Variants in C1orf146 observed in about 807,000 individuals in gnomAD.
C1orf146 encodes the protein protein SPO16 homolog.
A neutral mutation model predicts 23.0 loss-of-function variants in C1orf146; 22 were observed. That is an observed-to-expected ratio of 0.96 (90% CI 0.68 to 1.36). The LOEUF (loss-of-function observed/expected upper bound fraction) is 1.36. C1orf146 is among the 40% of genes most tolerant of loss of function. The pLI, the probability that C1orf146 is intolerant of heterozygous loss-of-function variation, is 0.00. For synonymous variants in C1orf146, 59 were observed against 65.3 expected (o/e 0.90, Z 0.47); for missense variants, 199 against 206.8 (o/e 0.96, Z 0.23).
chr1:92,224,720 A>G (rs1268512209), intron 1 of C1orf146, among the ~76,000 whole-genome samples: 1 of 151,812 alleles, frequency 6.6e-6, no homozygotes, highest in Non-Finnish European at 1.5e-5. Context: ...TTTAATCTTT[A>G]TTACTTTTTT....
At chr1:92,236,978 C>T (rs376046472) in intron 2 of C1orf146, among the ~76,000 whole-genome samples, 1 of 152,174 alleles carries the variant, frequency 6.6e-6, no homozygotes, top group African/African-American at 2.4e-5. Context: ...TTAAGCACTT[C>T]TCTGTATTGT....
At chr1:92,240,157 T>C (rs1286255440) in intron 2 of C1orf146, among the ~76,000 whole-genome samples, 3 of 152,210 alleles carry the variant, frequency 2.0e-5, no homozygotes, top group Non-Finnish European at 4.4e-5. Flanking sequence ...GGGATTGAAA[T>C]GGTTTGAAGC....
At chr1:92,227,487 C>T (rs535995401) in intron 1 of C1orf146, among the ~76,000 whole-genome samples, 2 of 152,056 alleles carry the variant, frequency 1.3e-5, no homozygotes, top group South Asian at 2.1e-4. Flanking sequence ...TGCAGTGAGC[C>T]GAGATCACGC....
At chr1:92,224,770 G>A (rs1414504409) in intron 1 of C1orf146, among the ~76,000 whole-genome samples, 6 of 144,474 alleles carry the variant, frequency 4.2e-5, no homozygotes, top group South Asian at 2.2e-4. Flanking sequence ...CTTTTTTTTC[G>A]TTTGAGACGG....
At chr1:92,225,319 C>A (rs1174654585) in intron 1 of C1orf146, among the ~76,000 whole-genome samples, 2 of 152,114 alleles carry the variant, frequency 1.3e-5, no homozygotes, top group East Asian at 3.9e-4. Flanking sequence ...GTTGCCCAAG[C>A]TGGGCACAAA....
chr1:92,228,127 TG>T (rs1354344283), intron 1 of C1orf146, among the ~76,000 whole-genome samples: 26 of 152,248 alleles, frequency 1.7e-4, no homozygotes, highest in African/African-American at 6.0e-4. Context: ...TATTTTCCTC[TG>T]ACCTACATTC....
intron 1 of C1orf146, among the ~76,000 whole-genome samples, chr1:92,230,724 C>G (rs1030417128): frequency 6.6e-6 from 1 of 151,856 alleles, no homozygotes; most frequent in Non-Finnish European, 1.5e-5. Context: ...AGGCTAGGAT[C>G]GCACCCCTGT....
At chr1:92,239,859 C>T (rs1017310598) in intron 2 of C1orf146, among the ~76,000 whole-genome samples, 1 of 152,116 alleles carries the variant, frequency 6.6e-6, no homozygotes, top group Admixed American at 6.6e-5. Context: ...CACTCATTCA[C>T]ATTTAACTGA....
At position 92,227,741 on chromosome 1, in the gene C1orf146, C is replaced by T. The variant is rs201592784; in HGVS notation, c.-39-3641C>T. On this transcript the variant is annotated intron_variant, in intron 1 of 5. Coordinates refer to ENST00000370375, the MANE Select transcript of C1orf146 (RefSeq NM_001012425.2). The stretch of plus-strand genomic sequence containing the variant: ...CCACTTAAAAGCTATTATTCAGTTG[C>T]CTCCTAGCTACCATGTTTCTATTGA... 1.1e-4 allele frequency among the ~76,000 whole-genome samples: 17 copies of T among 152,196 alleles called. No individual in the cohort carries two copies. The East Asian group carries it at 2.7e-3, about 24-fold the overall frequency.
Position 92,238,183 on chromosome 1 carries a change from C to G in C1orf146, c.67-4029C>G, listed in dbSNP as rs374742698. 3.3e-5 allele frequency among the ~76,000 whole-genome samples: 5 copies of G among 152,298 alleles called. No individual in the cohort carries two copies. In the South Asian group the frequency reaches 6.2e-4, roughly 19 times the overall value. ...TCCCTGCCTGCCCCCACAACCTGCACGATGGCTTCCAAAAGTGCTGGGATT... is the reference window on the plus strand; with the variant it reads ...TCCCTGCCTGCCCCCACAACCTGCAGGATGGCTTCCAAAAGTGCTGGGATT... On this transcript the variant is annotated intron_variant, in intron 2 of 5. Transcript: ENST00000370375.
intron 1 of C1orf146, among the ~76,000 whole-genome samples, chr1:92,223,502 A>G (rs547049792): frequency 2.2e-4 from 33 of 152,114 alleles, no homozygotes; most frequent in African/African-American, 7.0e-4. Flanking sequence ...GTTTTTTACT[A>G]TTGAGCCTTG....
intron 1 of C1orf146, among the ~76,000 whole-genome samples, chr1:92,230,814 A>G (rs1335340913): frequency 6.6e-6 from 1 of 152,086 alleles, no homozygotes; most frequent in Non-Finnish European, 1.5e-5. Context: ...CATATTCCCT[A>G]TGTGAGATAT....
At chr1:92,229,823 T>C (rs1179490191) in intron 1 of C1orf146, among the ~76,000 whole-genome samples, 1 of 151,948 alleles carries the variant, frequency 6.6e-6, no homozygotes, top group Middle Eastern at 3.4e-3. Flanking sequence ...CCTACAAATA[T>C]ATAAGAAAAA....
Position 92,244,281 on chromosome 1 carries a change from C to CAA in C1orf146, c.228_229dup (p.Ile77LysfsTer28). 6.2e-7 allele frequency: 1 copy of CAA among 1,609,490 alleles called. No individual in the cohort carries two copies. The highest frequency in any genetic ancestry group is 1.1e-5 in the South Asian group (1 of 90,740). ...TGTCAACTGAAGAAATATTTCTAGC[C>CAA]AAAATTGAGAAATTTATTAACATTC... On this transcript the variant is annotated frameshift_variant, in exon 4 of 6. Coordinates refer to ENST00000370375, the MANE Select transcript of C1orf146 (RefSeq NM_001012425.2). LOFTEE classifies it high-confidence loss of function.
Position 92,239,749 on chromosome 1 carries a change from T to C in C1orf146, c.67-2463T>C, listed in dbSNP as rs1429692706. Among the ~76,000 whole-genome samples the C allele has an allele frequency of 5.4e-5, 8 of 148,844 alleles. No homozygotes were observed. The East Asian group carries it at 1.6e-3, about 29-fold the overall frequency. On this transcript the variant is annotated intron_variant, in intron 2 of 5. Transcript: ENST00000370375. ...CTGGGTGACAGAGTGAGACCCTGTCTCAAAAAAAAAAAAAGTTTGAATTTC... is the reference window on the plus strand; with the variant it reads ...CTGGGTGACAGAGTGAGACCCTGTCCCAAAAAAAAAAAAAGTTTGAATTTC...
At chr1:92,223,708 A>G (rs1006271071) in intron 1 of C1orf146, among the ~76,000 whole-genome samples, 4 of 151,708 alleles carry the variant, frequency 2.6e-5, no homozygotes, top group Admixed American at 6.6e-5. Flanking sequence ...TAATTTTTGT[A>G]TTTTTAGTAG....
chr1:92,243,165 A>C (rs1652470995), intron 3 of C1orf146, among the ~76,000 whole-genome samples: 1 of 152,196 alleles, frequency 6.6e-6, no homozygotes, highest in Admixed American at 6.5e-5. Flanking sequence ...TTATGTTCAG[A>C]GAGGTTATAT....
intron 1 of C1orf146, among the ~76,000 whole-genome samples, chr1:92,220,024 T>C (rs1189710999): frequency 1.3e-5 from 2 of 152,202 alleles, no homozygotes; most frequent in African/African-American, 4.8e-5. Context: ...GCTCTTTCAG[T>C]TGGTTCCTGT....
intron 2 of C1orf146, among the ~76,000 whole-genome samples, 184 bp downstream of exon 2, chr1:92,231,670 C>T (rs1389585420): frequency 6.6e-6 from 1 of 151,644 alleles, no homozygotes; most frequent in Non-Finnish European, 1.5e-5. Flanking sequence ...TTTTCAACAT[C>T]CGACTTCCTT....
Sources: gnomAD v4.1 joint callset for allele counts (sites outside exome capture counted in the v4.1 genomes callset) on GRCh38, gnomAD v4.1.1 for gene constraint, MANE v1.5 for transcripts, NCBI Gene and HGNC (gene_info 2026-07-23, HGNC 2026-07-21) for gene names.